Variants in AFDN observed in about 807,000 individuals in gnomAD.
AFDN encodes afadin.
Under a neutral mutation model 216.6 loss-of-function variants are expected in AFDN, and 68 were observed. The observed-to-expected ratio is 0.31, with a 90% CI of 0.26 to 0.38. The LOEUF is 0.38. Among genes scored for constraint, AFDN ranks in the 10% least tolerant of loss-of-function variants. The pLI is 1.00. For synonymous variants in AFDN, 868 were observed against 853.7 expected (o/e 1.02, Z -0.29); for missense variants, 2,136 against 2,342.0 (o/e 0.91, Z 1.82).
intron 1 of AFDN, among the ~76,000 whole-genome samples, chr6:167,831,266 C>G (rs773387467): frequency 2.0e-5 from 3 of 152,162 alleles, no homozygotes; most frequent in Non-Finnish European, 2.9e-5. Flanking sequence ...AATATTGGTA[C>G]TGCTGAAGAT....
chr6:167,954,597 G>A, intron 30 of AFDN: 1 of 938,260 alleles, frequency 1.1e-6, no homozygotes, highest in Non-Finnish European at 1.6e-6. Context: ...TTCTCCTTAG[G>A]GGTGTCCTCC....
Position 167,952,130 on chromosome 6 carries a change from C to G in AFDN, c.4776C>G (p.Asp1592Glu), listed in dbSNP as rs138409874. 5 of 1,614,018 alleles carry G rather than the reference C, an allele frequency of 3.1e-6. 1 individual carries two copies. In the South Asian group the frequency reaches 3.3e-5, roughly 11 times the overall value. ...ACGAAGATGACGAGGAGGAGGAGGA[C>G]GATGATGTGGACACCATGCTGATCA... Reference protein sequence around the residue: ...QKDEDDEEEEDDDVDTMLIMQ... With the variant: ...QKDEDDEEEEEDDVDTMLIMQ... The change falls in exon 30 of 34, where the codon GAC becomes GAG. Residue 1592 changes from aspartate to glutamate, a missense_variant. Coordinates refer to ENST00000683244, the MANE Select transcript of AFDN (RefSeq NM_001386888.1).
At position 167,951,270 on chromosome 6, in the gene AFDN, A is replaced by G; in HGVS notation, c.3916A>G (p.Lys1306Glu). 6.2e-7 allele frequency: 1 copy of G among 1,613,706 alleles called. No homozygotes were observed. Residue 1306 changes from lysine to glutamate, a missense_variant, in exon 30 of 34, where the codon AAG becomes GAG. Physicochemically the swap from Lys to Glu is moderately conservative, Grantham distance 56. Around this residue, in one of 8 missense-constraint regions of AFDN, gnomAD observed 981 missense variants for 966.0 expected, o/e 1.02. Coordinates refer to ENST00000683244, the MANE Select transcript of AFDN (RefSeq NM_001386888.1). The surrounding 1 kb of genome is among the most constrained non-coding windows in gnomAD (Gnocchi z 7.1). ...TCGAATAGAGGCAGCTATGGACCGA[A>G]AGTCTGATAGTGATATGTGGATAAA... Reference protein sequence around the residue: ...RHRIEAAMDRKSDSDMWINQS... With the variant: ...RHRIEAAMDRESDSDMWINQS...
intron 30 of AFDN, chr6:167,954,583 C>A: frequency 1.7e-6 from 2 of 1,184,862 alleles, no homozygotes; most frequent in Non-Finnish European, 2.4e-6. Context: ...TTCAGTAGAT[C>A]CAGTTCTCCT....
In AFDN at chr6:167,827,147, C is replaced by T. The variant is rs1470729825; in HGVS notation, c.15C>T (p.Gly5=). The part of the protein sequence containing the change: MSAG[G]RDEERRKLAD... Reference sequence around the variant, plus strand: ...CGGCCAGGACCATGTCGGCGGGCGGCCGTGACGAGGAGCGGCGGAAGCTGG... The same window carrying T: ...CGGCCAGGACCATGTCGGCGGGCGGTCGTGACGAGGAGCGGCGGAAGCTGG... Residue 5 remains glycine (G), a synonymous_variant, in exon 1 of 34, where the codon GGC becomes GGT. Coordinates refer to ENST00000683244, the MANE Select transcript of AFDN (RefSeq NM_001386888.1). The T allele has an allele frequency of 1.5e-6, 2 of 1,293,136 alleles. No homozygotes were observed. The highest frequency in any genetic ancestry group is 1.3e-5 in the South Asian group (1 of 76,214). 80.1% of individuals were successfully genotyped at this position (1,293,136 alleles called of 1,614,324 possible).
At chr6:167,885,286 G>C (rs866669151) in intron 6 of AFDN, among the ~76,000 whole-genome samples, 4 of 152,286 alleles carry the variant, frequency 2.6e-5, no homozygotes, top group Middle Eastern at 6.8e-3. Context: ...CCTTTAAGAA[G>C]TTTTCCTTTG....
At chr6:167,954,936 T>C (rs909488853) in intron 30 of AFDN, among the ~76,000 whole-genome samples, 1 of 152,124 alleles carries the variant, frequency 6.6e-6, no homozygotes, top group Non-Finnish European at 1.5e-5. Flanking sequence ...GAGTAAGAGA[T>C]TTCCAGTGAA....
rs763654884 is a variant in AFDN at position 167,898,342 on chromosome 6, T to C, written c.1455T>C (p.Ser485=). The change falls in exon 11 of 34, where the codon AGT becomes AGC. Residue 485 remains serine, a synonymous_variant. Coordinates refer to ENST00000683244, the MANE Select transcript of AFDN (RefSeq NM_001386888.1). ...QRISETTMLQ[S]GMKVQFGASH... is the part of the protein sequence containing the mutation. The stretch of plus-strand genomic sequence containing the variant: ...TCTCAGAAACCACCATGCTGCAGAG[T>C]GGCATGAAAGTGCAGTTTGGGGCGT... The C allele has an allele frequency of 3.8e-5, 61 of 1,613,878 alleles. No homozygotes were observed. In the Admixed American group the frequency reaches 1.0e-3, roughly 27 times the overall value.
Position 167,952,115 on chromosome 6 carries a change from C to T in AFDN, c.4761C>T (p.Asp1587=), listed in dbSNP as rs766671223. The T allele has an allele frequency of 6.2e-6, 10 of 1,613,924 alleles. No individual in the cohort carries two copies. The Admixed American group carries it at 8.3e-5, about 13-fold the overall frequency. Residue 1587 remains aspartate, a synonymous_variant, in exon 30 of 34, where the codon GAC becomes GAT. Coordinates refer to ENST00000683244, the MANE Select transcript of AFDN (RefSeq NM_001386888.1). ...AGTCGAAGCAGAAGGACGAAGATGA[C>T]GAGGAGGAGGAGGACGATGATGTGG... The part of the protein sequence containing the change: ...LQESKQKDED[D]EEEEDDDVDT...
intron 30 of AFDN, among the ~76,000 whole-genome samples, chr6:167,955,615 A>G (rs1796423924): frequency 6.6e-6 from 1 of 152,182 alleles, no homozygotes; most frequent in Admixed American, 6.5e-5. Flanking sequence ...AGGCCCAAAG[A>G]GAGTTTCTTA....
chr6:167,884,776 A>T (rs1434398281), intron 6 of AFDN, among the ~76,000 whole-genome samples: 1 of 152,172 alleles, frequency 6.6e-6, no homozygotes, highest in Non-Finnish European at 1.5e-5. Context: ...CATTGGCCTC[A>T]ACTTAAAGTC....
In AFDN at chr6:167,959,642, T is replaced by C. The variant is rs146711970; in HGVS notation, c.4834-2791T>C. On this transcript the variant is annotated intron_variant, in intron 30 of 33. Transcript: ENST00000683244. ...TAAAGGGTATTATGACCCCATTTTATGTTCAGATACCAGTTTCATTTTCAT... is the reference window on the plus strand; with the variant it reads ...TAAAGGGTATTATGACCCCATTTTACGTTCAGATACCAGTTTCATTTTCAT... Among the ~76,000 whole-genome samples, 353 of 152,336 alleles carry C rather than the reference T, an allele frequency of 2.3e-3. 4 individuals are homozygous for C. Among genetic ancestry groups the C allele is most frequent in the African/African-American group, 7.6e-3 (315 of 41,582 alleles).
intron 6 of AFDN, among the ~76,000 whole-genome samples, chr6:167,883,337 A>T (rs1452855684): frequency 6.6e-6 from 1 of 152,234 alleles, no homozygotes; most frequent in African/African-American, 2.4e-5. Flanking sequence ...ACAAATAGCC[A>T]GTAAATTCCT....
intron 1 of AFDN, among the ~76,000 whole-genome samples, chr6:167,854,366 A>AT (rs1259048719): frequency 6.6e-6 from 1 of 151,600 alleles, no homozygotes; most frequent in Non-Finnish European, 1.5e-5. Flanking sequence ...CAAGTTGGAA[A>AT]TTTTTTTCCC....
chr6:167,913,289 G>A (rs528973389), intron 15 of AFDN, 114 bp from the exon 16 acceptor site: 37 of 980,670 alleles, frequency 3.8e-5, no homozygotes, highest in Admixed American at 2.7e-4. Context: ...ACTAAATGTC[G>A]TACCTTCATG....
chr6:167,964,969 T>C (rs1409695753), intron 31 of AFDN: 1 of 1,053,242 alleles, frequency 9.5e-7, no homozygotes, highest in East Asian at 5.4e-5. Context: ...TTTGTGCAGA[T>C]GTATGTCAGA....
intron 30 of AFDN, among the ~76,000 whole-genome samples, chr6:167,961,103 C>T (rs1439417952): frequency 6.6e-6 from 1 of 151,752 alleles, no homozygotes; most frequent in Non-Finnish European, 1.5e-5. Flanking sequence ...AATTCAAATT[C>T]CAGCACTTAA....
At chr6:167,873,739 G>T (rs578152391) in intron 4 of AFDN, among the ~76,000 whole-genome samples, 1 of 152,266 alleles carries the variant, frequency 6.6e-6, no homozygotes, top group African/African-American at 2.4e-5. Flanking sequence ...TCCATAAATT[G>T]AATTTGTTAT....
chr6:167,850,456 T>A (rs1782170957), intron 1 of AFDN, among the ~76,000 whole-genome samples: 2 of 152,156 alleles, frequency 1.3e-5, no homozygotes, highest in South Asian at 4.1e-4. Flanking sequence ...CAATTTTTAG[T>A]GTACTATAAA....
Sources: gnomAD v4.1 joint callset for allele counts (sites outside exome capture counted in the v4.1 genomes callset) on GRCh38, gnomAD v4.1.1 for gene constraint, gnomAD v4.1.1 regional missense constraint, Gnocchi (gnomAD v3.1) non-coding constraint, MANE v1.5 for transcripts, NCBI Gene and HGNC (gene_info 2026-07-23, HGNC 2026-07-21) for gene names.